The following NPR3 variants were observed in gnomAD, a reference collection of about 807,000 sequenced individuals.
NPR3 encodes natriuretic peptide receptor 3, also known as atrial natriuretic peptide receptor 3.
In NPR3, 34 loss-of-function variants were observed where a neutral mutation model predicts 54.5. The observed-to-expected ratio is 0.62, with a 90% CI of 0.47 to 0.83. The LOEUF is 0.83. NPR3 is among the 40% of genes least tolerant of loss of function. The probability of loss-of-function intolerance (pLI) is 0.00; values close to 1 mark genes in which losing one functional copy is unlikely to be tolerated. For missense variants in NPR3, 674 were observed against 720.8 expected (o/e 0.94, Z 0.74); for synonymous variants, 289 against 297.1 (o/e 0.97, Z 0.28).
intron 3 of NPR3, among the ~76,000 whole-genome samples, chr5:32,760,419 T>G (rs1273373336): frequency 6.6e-6 from 1 of 152,214 alleles, no homozygotes; most frequent in East Asian, 1.9e-4. Flanking sequence ...TACCTTGCTG[T>G]AGTTTAAATT....
intron 1 of NPR3, among the ~76,000 whole-genome samples, chr5:32,721,066 C>A (rs1450473856): frequency 6.6e-6 from 1 of 152,122 alleles, no homozygotes; most frequent in Non-Finnish European, 1.5e-5. Context: ...AGTGAGACAA[C>A]CCTAAGAGAT....
chr5:32,785,035 A>G (rs1742536563), intron 7 of NPR3, among the ~76,000 whole-genome samples, 152 bp downstream of exon 7: 1 of 151,462 alleles, frequency 6.6e-6, no homozygotes. Flanking sequence ...GCAGGACCCC[A>G]GGTTTGGTGT....
chr5:32,744,760 C>T (rs925013810), intron 3 of NPR3, among the ~76,000 whole-genome samples: 1 of 152,160 alleles, frequency 6.6e-6, no homozygotes, highest in Non-Finnish European at 1.5e-5. Flanking sequence ...TTTCCTGACA[C>T]CCCAGACTAT....
chr5:32,709,290 C>T (rs889870715), upstream of NPR3: 2 of 152,056 alleles, frequency 1.3e-5, no homozygotes, highest in African/African-American at 2.4e-5. Context: ...ACTGGGTCTC[C>T]GAGGCAGGAC....
At chr5:32,698,998 A>C (rs1740602874) in intron 1 of NPR3, among the ~76,000 whole-genome samples, 1 of 152,126 alleles carries the variant, frequency 6.6e-6, no homozygotes, top group Admixed American at 6.5e-5. Context: ...GTAAGGACTT[A>C]ACTCCTGCCA....
At position 32,696,594 on chromosome 5, in the gene NPR3, A is replaced by C. The variant is rs560439558; in HGVS notation, c.100+7408A>C. On this transcript the variant is annotated intron_variant, in intron 1 of 5. Coordinates refer to the NPR3 transcript ENST00000509104. ...ATTGAATATGTAGATGGTTTTTGAT[A>C]GTATGGACATTTAAGAATATTGATT... Among the ~76,000 whole-genome samples the C allele has an allele frequency of 6.6e-5, 10 of 152,296 alleles. No homozygotes were observed. The South Asian group carries it at 1.5e-3, about 22-fold the overall frequency.
chr5:32,729,102 T>G (rs1169329069), intron 2 of NPR3, among the ~76,000 whole-genome samples: 30 of 136,136 alleles, frequency 2.2e-4, no homozygotes, highest in African/African-American at 8.4e-4. Context: ...GGATCTCGGC[T>G]CACTGCAAGC....
At chr5:32,723,238 A>G (rs1738959091) in intron 1 of NPR3, among the ~76,000 whole-genome samples, 1 of 152,198 alleles carries the variant, frequency 6.6e-6, no homozygotes, top group African/African-American at 2.4e-5. Flanking sequence ...GCAGCAAAAC[A>G]CAGTGGTACC....
chr5:32,729,014 G>GTT lies in NPR3; in HGVS notation c.892+4208_892+4209dup, dbSNP rs769970888. On this transcript the variant is annotated intron_variant, in intron 2 of 7. Coordinates refer to ENST00000265074, the MANE Select transcript of NPR3 (RefSeq NM_001204375.2). ...GCTGAATAATATTGTGTGCCTGTGT[G>GTT]TTTTTTTTTTTTTTTGTTTTGTTTT... Among the ~76,000 whole-genome samples the GTT allele has an allele frequency of 6.4e-3, 626 of 98,510 alleles. 45 individuals are homozygous for GTT. Among genetic ancestry groups the GTT allele is most frequent in the African/African-American group, 0.025 (585 of 23,478 alleles). The allele number at this position is 98,510 out of a possible 152,430, so 64.6% of individuals were successfully genotyped here. A position where few individuals can be genotyped will look rare whatever the true frequency, so the allele number is the denominator to read the frequency against.
upstream of NPR3, chr5:32,711,197 C>G (rs893270223): frequency 2.0e-5 from 3 of 150,752 alleles, no homozygotes; most frequent in African/African-American, 7.4e-5. Context: ...GCCCAGCCCC[C>G]ACATCTCCCC....
chr5:32,713,280 CCTT>C (rs1466274630), intron 1 of NPR3: 3 of 985,326 alleles, frequency 3.0e-6, no homozygotes, highest in Non-Finnish European at 3.6e-6. Flanking sequence ...GAGCGCTGAA[CCTT>C]CTTTCCACCT....
intron 1 of NPR3, among the ~76,000 whole-genome samples, chr5:32,693,626 G>A (rs1003809744): frequency 9.9e-5 from 15 of 152,112 alleles, no homozygotes; most frequent in African/African-American, 3.6e-4. Context: ...TAACACGATT[G>A]GCTATCACAC....
In NPR3 at chr5:32,780,797, T is replaced by G; in HGVS notation, c.1271T>G (p.Val424Gly). The G allele has an allele frequency of 1.3e-6, 2 of 1,581,204 alleles. No homozygotes were observed. Among genetic ancestry groups the G allele is most frequent in the Non-Finnish European group, 1.7e-6 (2 of 1,150,090 alleles). Residue 424 changes from valine to glycine, a missense_variant, in exon 5 of 8, where the codon GTG (valine) becomes GGG (glycine). Transcript: ENST00000265074. ...GDFSVIAMTD[V>G]EAGTQEVIGD... ...TTCTCTGTGATTGCCATGACTGATG[T>G]GGAGGCGGGCACCCAGGAGGTGAGC... is the stretch of plus-strand genomic sequence containing the variant.
chr5:32,711,546 A>ACCTTTT lies in NPR3; in HGVS notation c.-231_-230insCCTTTT. 1 of 481,304 alleles carries ACCTTTT rather than the reference A, an allele frequency of 2.1e-6. No homozygotes were observed. Among genetic ancestry groups the ACCTTTT allele is most frequent in the Non-Finnish European group, 2.5e-6 (1 of 407,450 alleles). 29.8% of individuals were successfully genotyped at this position (481,304 alleles called of 1,614,324 possible). On this transcript the variant is annotated 5_prime_UTR_variant, in exon 1 of 8. Transcript: ENST00000265074. ...CAGACGCACAGGTTTACACCCGGTG[A>ACCTTTT]ACTTTTTCTTTTTCTTTTTCTTTTT... is the stretch of plus-strand genomic sequence containing the variant.
intron 2 of NPR3, among the ~76,000 whole-genome samples, chr5:32,728,036 A>G (rs1739225302): frequency 6.6e-6 from 1 of 152,228 alleles, no homozygotes; most frequent in African/African-American, 2.4e-5. Flanking sequence ...ACATTTTAAA[A>G]TATTGGGCCA....
At chr5:32,712,614 C>G (rs935280685) in intron 1 of NPR3, 69 bp downstream of exon 1, 2 of 1,415,276 alleles carry the variant, frequency 1.4e-6, no homozygotes, top group African/African-American at 1.4e-5. Flanking sequence ...CCTGCACACT[C>G]GTCCACTCTG....
At chr5:32,750,309 G>T (rs6450925) in intron 3 of NPR3, among the ~76,000 whole-genome samples, 44,685 of 151,782 alleles carry the variant, frequency 0.29, 6,705 homozygotes, top group African/African-American at 0.33. Context: ...CTAATTTTTG[G>T]ATTTTTAGTA....
chr5:32,756,684 T>C (rs1740857740), intron 3 of NPR3, among the ~76,000 whole-genome samples: 1 of 152,238 alleles, frequency 6.6e-6, no homozygotes, highest in African/African-American at 2.4e-5. Context: ...TGCCCATGCC[T>C]ATGTCCTGAA....
intron 3 of NPR3, among the ~76,000 whole-genome samples, chr5:32,746,867 G>T (rs1409226068): frequency 2.6e-5 from 4 of 152,136 alleles, no homozygotes; most frequent in Non-Finnish European, 5.9e-5. Context: ...TTAACAGTTG[G>T]TTCTGTCTTT....
Sources: gnomAD v4.1 joint callset for allele counts (sites outside exome capture counted in the v4.1 genomes callset) on GRCh38, gnomAD v4.1.1 for gene constraint, MANE v1.5 for transcripts, NCBI Gene and HGNC (gene_info 2026-07-23, HGNC 2026-07-21) for gene names.